The following MAOB variants were observed in gnomAD, a reference collection of about 807,000 sequenced individuals.
The protein encoded by MAOB is amine oxidase [flavin-containing] B.
A neutral mutation model predicts 41.9 loss-of-function variants in MAOB; 15 were observed. The observed-to-expected ratio is 0.36, with a 90% CI of 0.24 to 0.55. The LOEUF (loss-of-function observed/expected upper bound fraction) is 0.55. MAOB is among the 20% of genes least tolerant of loss of function. The probability of loss-of-function intolerance (pLI) is 0.86; values close to 1 mark genes in which losing one functional copy is unlikely to be tolerated. For missense variants in MAOB, 345 were observed against 398.7 expected (o/e 0.87, Z 1.15); for synonymous variants, 167 against 144.2 (o/e 1.16, Z -1.13).
At chrX:43,842,017 A>AT (rs1343387330) in intron 2 of MAOB, among the ~76,000 whole-genome samples, 2 of 112,128 alleles carry the variant, frequency 1.8e-5, no homozygotes, top group Non-Finnish European at 3.8e-5. Context: ...CAGGGAAATG[A>AT]TTTTTTGGAT....
intron 5 of MAOB, among the ~76,000 whole-genome samples, chrX:43,800,149 T>C (rs941437733): frequency 3.6e-5 from 4 of 111,181 alleles, no homozygotes; most frequent in Non-Finnish European, 7.6e-5. Flanking sequence ...AATGCTTTAT[T>C]TTGTCAAATG....
rs758335616 is a variant in MAOB, at chrX:43,825,649, A to G, written c.279+13219T>C. On this transcript the variant is annotated intron_variant, in intron 3 of 14. Transcript: ENST00000378069. ...ATAACATCTTATACATGCATTTGGG[A>G]GATTTGGCATATCTGGTTAAAAAGT... Among the ~76,000 whole-genome samples, 3 of 112,032 alleles carry G rather than the reference A, an allele frequency of 2.7e-5. No individual in the cohort carries two copies. In the East Asian group the frequency reaches 8.4e-4, roughly 31 times the overall value.
intron 3 of MAOB, among the ~76,000 whole-genome samples, chrX:43,827,877 G>A (rs1346640287): frequency 9.0e-6 from 1 of 111,519 alleles, no homozygotes; most frequent in Non-Finnish European, 1.9e-5. Flanking sequence ...TATTTTTACT[G>A]CTTTTTCTCC....
intron 3 of MAOB, 121 bp downstream of exon 3, chrX:43,838,747 T>C (rs950752487): frequency 1.4e-5 from 10 of 716,298 alleles, no homozygotes; most frequent in Non-Finnish European, 1.9e-5. Context: ...GAAATACCAT[T>C]ATAAAATACA....
rs150674183 is a variant in MAOB at position 43,849,514 on chromosome X, T to A, written c.47-5750A>T. On this transcript the variant is annotated intron_variant, in intron 1 of 14. Coordinates refer to ENST00000378069, the MANE Select transcript of MAOB (RefSeq NM_000898.5). ...TCCTGGCTAGTAAATTTCCAAAACA[T>A]GTCCTTCATTCAGGCGAATGCAGCT... 0.014 allele frequency among the ~76,000 whole-genome samples: 1,560 copies of A among 112,583 alleles called. 44 individuals are homozygous for A. In the South Asian group the frequency reaches 0.16, roughly 12 times the overall value.
intron 3 of MAOB, among the ~76,000 whole-genome samples, chrX:43,828,685 T>C (rs1189196336): frequency 9.0e-6 from 1 of 111,607 alleles, no homozygotes; most frequent in Non-Finnish European, 1.9e-5. Context: ...GTATAATCTC[T>C]ATGTTGGCCT....
intron 11 of MAOB, among the ~76,000 whole-genome samples, chrX:43,776,518 G>C (rs977834702): frequency 2.7e-5 from 3 of 111,250 alleles, no homozygotes; most frequent in African/African-American, 9.8e-5. Context: ...ACTTCACAAA[G>C]CTTGAATATC....
At chrX:43,862,865 A>T (rs2035341621) in intron 1 of MAOB, among the ~76,000 whole-genome samples, 1 of 112,301 alleles carries the variant, frequency 8.9e-6, no homozygotes, top group Non-Finnish European at 1.9e-5. Flanking sequence ...CAAAAAAATG[A>T]AATAAAAATA....
chrX:43,770,271 ATTCTAGTTCTGGAAC>A (rs1429052528), intron 12 of MAOB, among the ~76,000 whole-genome samples: 1 of 111,718 alleles, frequency 9.0e-6, no homozygotes, highest in African/African-American at 3.3e-5. Context: ...CTGAAGGGCC[ATTCTAGTTCTGGAAC>A]TTCCTCTGGG....
chrX:43,781,999 G>C (rs2034339246), intron 8 of MAOB, among the ~76,000 whole-genome samples: 1 of 111,869 alleles, frequency 8.9e-6, no homozygotes, highest in African/African-American at 3.3e-5. Flanking sequence ...GTGTTTAGAG[G>C]GAAATTTATA....
chrX:43,797,355 T>G (rs1447380625), intron 5 of MAOB, 89 bp from the exon 6 acceptor site: 4 of 780,518 alleles, frequency 5.1e-6, no homozygotes, highest in Non-Finnish European at 5.1e-6. Flanking sequence ...CACATTTTCT[T>G]GGTTAAGTTT....
At chrX:43,816,107 A>G (rs1463867507) in intron 3 of MAOB, among the ~76,000 whole-genome samples, 1 of 111,746 alleles carries the variant, frequency 8.9e-6, no homozygotes, top group South Asian at 3.7e-4. Flanking sequence ...GCAGCTGGAC[A>G]CAAAGACTAC....
intron 7 of MAOB, among the ~76,000 whole-genome samples, chrX:43,795,154 C>G (rs144422753): frequency 2.7e-5 from 3 of 111,717 alleles, no homozygotes; most frequent in African/African-American, 9.8e-5. Flanking sequence ...ATGTCAGTCA[C>G]AAGTCCAGCT....
At chrX:43,780,780 A>G (rs2034322189) in intron 9 of MAOB, among the ~76,000 whole-genome samples, 1 of 111,624 alleles carries the variant, frequency 9.0e-6, no homozygotes, top group Non-Finnish European at 1.9e-5. Flanking sequence ...TTTTGTCTCC[A>G]CCATGGTGTC....
At chrX:43,864,337 T>C (rs2035351951) in intron 1 of MAOB, among the ~76,000 whole-genome samples, 1 of 111,707 alleles carries the variant, frequency 9.0e-6, no homozygotes, top group Non-Finnish European at 1.9e-5. Flanking sequence ...TGATATTACT[T>C]ACCAAATGCT....
intron 1 of MAOB, among the ~76,000 whole-genome samples, chrX:43,850,970 C>T (rs1352175211): frequency 2.7e-5 from 3 of 112,177 alleles, no homozygotes; most frequent in Non-Finnish European, 5.6e-5. Flanking sequence ...ATTGCATTTT[C>T]TAAAATGTCA....
chrX:43,796,976 C>T, intron 6 of MAOB, 149 bp downstream of exon 6: 1 of 517,110 alleles, frequency 1.9e-6, no homozygotes, highest in Admixed American at 4.0e-5. Flanking sequence ...CAACAGACTG[C>T]CTTACAAGAA....
At chrX:43,769,648 G>A (rs1258721438) in intron 12 of MAOB, among the ~76,000 whole-genome samples, 1 of 111,659 alleles carries the variant, frequency 9.0e-6, no homozygotes, top group African/African-American at 3.3e-5. Flanking sequence ...TGCAGGTGAA[G>A]GAGCTGACAT....
At position 43,824,148 on chromosome X, in the gene MAOB, C is replaced by T. The variant is rs2239451; in HGVS notation, c.279+14720G>A. Among the ~76,000 whole-genome samples, 5 of 112,070 alleles carry T rather than the reference C, an allele frequency of 4.5e-5. No individual in the cohort carries two copies. The East Asian group carries it at 1.4e-3, about 31-fold the overall frequency. The stretch of plus-strand genomic sequence containing the variant: ...AGTTTGAATAGGATGCTGTGAGTTT[C>T]AAAGCTAGAGAACACAGCAGGATCC... On this transcript the variant is annotated intron_variant, in intron 3 of 14. Coordinates refer to ENST00000378069, the MANE Select transcript of MAOB (RefSeq NM_000898.5).
Sources: allele counts gnomAD v4.1 joint callset (sites outside exome capture counted in the v4.1 genomes callset), GRCh38; gene constraint gnomAD v4.1.1; transcripts MANE v1.5; gene names NCBI Gene and HGNC (gene_info 2026-07-23, HGNC 2026-07-21).